KIAA0586: variants seen among roughly 807,000 people sequenced by gnomAD.
KIAA0586 encodes the protein protein TALPID3.
A neutral mutation model predicts 169.8 loss-of-function variants in KIAA0586; 144 were observed. The observed-to-expected ratio is 0.85, with a 90% CI of 0.74 to 0.97. The LOEUF (loss-of-function observed/expected upper bound fraction) is 0.97. Among genes scored for constraint, KIAA0586 ranks in the 50% least tolerant of loss-of-function variants. The pLI is 0.00. For synonymous variants in KIAA0586, 625 were observed against 612.4 expected (o/e 1.02, Z -0.30); for missense variants, 1,854 against 1,823.0 (o/e 1.02, Z -0.31).
At chr14:58,520,510 TTTGTTGTTGTTGTTG>T (rs56230772) in intron 29 of KIAA0586, among the ~76,000 whole-genome samples, 2 of 150,396 alleles carry the variant, frequency 1.3e-5, no homozygotes, top group East Asian at 2.0e-4. Flanking sequence ...TTTTTGGGGT[TTTGTTGTTGTTGTTG>T]TTGTTGTTGT....
intron 1 of KIAA0586, 112 bp downstream of exon 1, chr14:58,428,575 A>G (rs765919913): frequency 1.4e-5 from 11 of 761,080 alleles, no homozygotes; most frequent in Non-Finnish European, 2.3e-5. Flanking sequence ...AGATGTTTGA[A>G]AACTGACCCT....
chr14:58,451,134 G>A (rs991695524), intron 8 of KIAA0586, among the ~76,000 whole-genome samples: 1 of 151,894 alleles, frequency 6.6e-6, no homozygotes, highest in Admixed American at 6.6e-5. Flanking sequence ...GACTATGGGC[G>A]CCCACCACCA....
At chr14:58,468,406 A>G (rs1398493354) in intron 16 of KIAA0586, among the ~76,000 whole-genome samples, 1 of 152,184 alleles carries the variant, frequency 6.6e-6, no homozygotes, top group East Asian at 1.9e-4. Context: ...CCTGTTTTGC[A>G]TGATTTAAGC....
chr14:58,546,811 C>G (rs2047011770), intron 30 of KIAA0586, among the ~76,000 whole-genome samples: 1 of 152,144 alleles, frequency 6.6e-6, no homozygotes, highest in South Asian at 2.1e-4. Flanking sequence ...TAATATTGCT[C>G]TCAATCCATG....
At chr14:58,501,649 A>G (rs1319732949) in intron 27 of KIAA0586, among the ~76,000 whole-genome samples, 2 of 152,190 alleles carry the variant, frequency 1.3e-5, no homozygotes, top group African/African-American at 4.8e-5. Flanking sequence ...ATAACATAAG[A>G]TTGAACACAT....
chr14:58,537,942 T>C (rs758389987), intron 29 of KIAA0586, among the ~76,000 whole-genome samples: 3 of 152,296 alleles, frequency 2.0e-5, no homozygotes, highest in Non-Finnish European at 2.9e-5. Context: ...CCACCGCGCC[T>C]GGCCCATAGT....
intron 27 of KIAA0586, among the ~76,000 whole-genome samples, chr14:58,504,934 A>C (rs1283145841): frequency 6.6e-6 from 1 of 152,158 alleles, no homozygotes; most frequent in African/African-American, 2.4e-5. Flanking sequence ...GTGTACTCTC[A>C]TATCCCTGTC....
chr14:58,469,783 A>G (rs1296829453), intron 16 of KIAA0586, among the ~76,000 whole-genome samples: 1 of 152,252 alleles, frequency 6.6e-6, no homozygotes, highest in Admixed American at 6.5e-5. Flanking sequence ...ACAGTTTATC[A>G]GCAAGCAAAC....
intron 29 of KIAA0586, among the ~76,000 whole-genome samples, chr14:58,515,673 C>A (rs1019300918): frequency 1.8e-4 from 28 of 152,180 alleles, no homozygotes; most frequent in South Asian, 6.2e-4. Context: ...GTGTGTGTAT[C>A]TCTGATAGGG....
the KIAA0586 span, among the ~76,000 whole-genome samples, chr14:58,559,050 GT>G: frequency 6.6e-6 from 1 of 152,202 alleles, no homozygotes; most frequent in African/African-American, 2.4e-5. Flanking sequence ...GAATATTCAA[GT>G]TGTTTACCAA....
chr14:58,464,149 G>A (rs1323955013), intron 14 of KIAA0586: 8 of 388,658 alleles, frequency 2.1e-5, no homozygotes, highest in African/African-American at 1.1e-4. Context: ...CAAGATACCT[G>A]CCACACAAAA....
chr14:58,433,059 T>C (rs2037512069), intron 4 of KIAA0586: 1 of 152,322 alleles, frequency 6.6e-6, no homozygotes, highest in Non-Finnish European at 1.5e-5. Flanking sequence ...AGCCACACTT[T>C]ACATTTGAAT....
downstream of KIAA0586, among the ~76,000 whole-genome samples, chr14:58,551,507 A>T (rs1248763881): frequency 6.6e-6 from 1 of 152,168 alleles, no homozygotes; most frequent in South Asian, 2.1e-4. Flanking sequence ...CACACCTGTA[A>T]TCCCAGCACT....
downstream of KIAA0586, among the ~76,000 whole-genome samples, chr14:58,553,322 AATGG>A (rs2047228475): frequency 6.6e-6 from 1 of 152,222 alleles, no homozygotes; most frequent in East Asian, 1.9e-4. Context: ...TGGAGCTAGA[AATGG>A]ATAACAGGTC....
rs183559499 is a variant in KIAA0586, at chr14:58,538,409, A to G, written c.4430-1662A>G. 2.8e-3 allele frequency among the ~76,000 whole-genome samples: 427 copies of G among 152,072 alleles called. 3 individuals are homozygous for G. Among genetic ancestry groups the G allele is most frequent in the African/African-American group, 9.9e-3 (409 of 41,504 alleles). On this transcript the variant is annotated intron_variant, in intron 29 of 30. Coordinates refer to ENST00000652326, the MANE Select transcript of KIAA0586 (RefSeq NM_001329943.3). Reference sequence around the variant, plus strand: ...ATCTTCTTATAAAAATCCACCCAAAAATTTTTTTAATTTTTAGTATAAATT... The same window carrying G: ...ATCTTCTTATAAAAATCCACCCAAAGATTTTTTTAATTTTTAGTATAAATT...
At chr14:58,540,941 A>G (rs1481854675) in intron 30 of KIAA0586, among the ~76,000 whole-genome samples, 1 of 152,248 alleles carries the variant, frequency 6.6e-6, no homozygotes, top group Non-Finnish European at 1.5e-5. Flanking sequence ...TGTGAGGAGA[A>G]TTGAATACAG....
intron 29 of KIAA0586, among the ~76,000 whole-genome samples, chr14:58,517,671 A>C (rs1307069960): frequency 6.6e-6 from 1 of 152,202 alleles, no homozygotes; most frequent in Non-Finnish European, 1.5e-5. Flanking sequence ...ACCTGTACTC[A>C]AAACTTTTTT....
intron 4 of KIAA0586, among the ~76,000 whole-genome samples, chr14:58,437,974 G>T (rs1329624735): frequency 2.0e-5 from 3 of 152,136 alleles, no homozygotes; most frequent in African/African-American, 7.2e-5. Flanking sequence ...AGGGGGTATG[G>T]TGTTAACAAA....
chr14:58,442,260 C>T (rs575549187), intron 4 of KIAA0586, among the ~76,000 whole-genome samples: 1 of 152,256 alleles, frequency 6.6e-6, no homozygotes, highest in East Asian at 1.9e-4. Flanking sequence ...CAGGCGCATG[C>T]CACCACGCCC....
Sources: allele counts gnomAD v4.1 joint callset (sites outside exome capture counted in the v4.1 genomes callset), GRCh38; gene constraint gnomAD v4.1.1; transcripts MANE v1.5; gene names NCBI Gene and HGNC (gene_info 2026-07-23, HGNC 2026-07-21).